Variants in NCAPD3 observed in about 807,000 individuals in gnomAD.
NCAPD3 encodes condensin-2 complex subunit D3.
Under a neutral mutation model 182.9 loss-of-function variants are expected in NCAPD3, and 105 were observed. That is an observed-to-expected ratio of 0.57 (90% CI 0.49 to 0.68). The LOEUF (loss-of-function observed/expected upper bound fraction) is 0.68, where lower values mean the gene tolerates loss of function less well. NCAPD3 is among the 30% of genes least tolerant of loss of function. The probability of loss-of-function intolerance (pLI) is 0.00; values close to 1 mark genes in which losing one functional copy is unlikely to be tolerated. For missense variants in NCAPD3, 1,944 were observed against 1,837.0 expected, an observed-to-expected ratio of 1.06 and a Z score of -1.07; for synonymous variants, 815 against 679.9, an observed-to-expected ratio of 1.20 and a Z score of -3.09.
At position 134,153,129 on chromosome 11, in the gene NCAPD3, G is replaced by A. The variant is rs775952499; in HGVS notation, c.4388+11C>T. 7 of 1,613,842 alleles carry A rather than the reference G, an allele frequency of 4.3e-6. No homozygotes were observed. In the East Asian group the frequency reaches 1.1e-4, roughly 26 times the overall value. On this transcript the variant is annotated intron_variant, in intron 34 of 34. Transcript: ENST00000534548. ...AAACATCCACCTCAAAAGGAACACT[G>A]CTAAACTTACGGTTTATCAGGCAGT...
chr11:134,152,859 A>G lies in NCAPD3; in HGVS notation c.*85T>C, dbSNP rs1943293474. 2 of 1,104,186 alleles carry G rather than the reference A, an allele frequency of 1.8e-6. No individual in the cohort carries two copies. The highest frequency in any genetic ancestry group is 2.3e-5 in the Admixed American group (1 of 42,728). The allele number at this position is 1,104,186 out of a possible 1,614,324, so 68.4% of individuals were successfully genotyped here. On this transcript the variant is annotated 3_prime_UTR_variant, in exon 35 of 35. Transcript: ENST00000534548. ...AAAGCGCTGCCCAAGGACTGCGGGA[A>G]GTGATCCAGCTGCCTTCACACGGAG...
chr11:134,188,926 A>C (rs991487928), intron 16 of NCAPD3, among the ~76,000 whole-genome samples: 1 of 152,178 alleles, frequency 6.6e-6, no homozygotes, highest in African/African-American at 2.4e-5. Flanking sequence ...GAGAAGCCTC[A>C]GGAGAAACCC....
chr11:134,213,097 G>C lies in NCAPD3; in HGVS notation c.383-2643C>G, dbSNP rs527855629. Among the ~76,000 whole-genome samples, 13 of 152,316 alleles carry C rather than the reference G, an allele frequency of 8.5e-5. No individual in the cohort carries two copies. In the East Asian group the frequency reaches 2.5e-3, roughly 30 times the overall value. Reference sequence around the variant, plus strand: ...AATCCCAGCCCTTTGGGAGGCTGAAGCAGGAGGATCACTTGAGGCCAAGAG... The same window carrying C: ...AATCCCAGCCCTTTGGGAGGCTGAACCAGGAGGATCACTTGAGGCCAAGAG... On this transcript the variant is annotated intron_variant, in intron 3 of 34. Transcript: ENST00000534548.
At chr11:134,185,631 T>G (rs1944388818) in intron 16 of NCAPD3, 105 bp from the exon 17 acceptor site, 1 of 884,996 alleles carries the variant, frequency 1.1e-6, no homozygotes, top group Non-Finnish European at 1.7e-6. Flanking sequence ...GCTCCAGGAC[T>G]CAAGTGGCAC....
chr11:134,205,853 G>A (rs73603045), intron 8 of NCAPD3, among the ~76,000 whole-genome samples: 2,239 of 152,328 alleles, frequency 0.015, 54 homozygotes, highest in African/African-American at 0.049. Flanking sequence ...TCCTTAGTGA[G>A]AGACATTTGC....
At chr11:134,162,711 AAT>A (rs1404103457) in intron 27 of NCAPD3, among the ~76,000 whole-genome samples, 1 of 152,200 alleles carries the variant, frequency 6.6e-6, no homozygotes, top group Non-Finnish European at 1.5e-5. Context: ...TATGTTCAGG[AAT>A]AGTCTTAAGA....
intron 32 of NCAPD3, among the ~76,000 whole-genome samples, chr11:134,155,132 G>A (rs1397593271): frequency 2.6e-5 from 4 of 152,120 alleles, no homozygotes; most frequent in Non-Finnish European, 1.5e-5. Flanking sequence ...CAGTAACAGG[G>A]ACTTGCTAAA....
chr11:134,201,225 TGTTGGCCAG>T (rs539749794), intron 13 of NCAPD3, among the ~76,000 whole-genome samples: 1 of 152,054 alleles, frequency 6.6e-6, no homozygotes, highest in East Asian at 1.9e-4. Flanking sequence ...GGTTTCACCA[TGTTGGCCAG>T]GATGGTCTCG....
chr11:134,166,621 ACACT>A (rs1364683995), intron 27 of NCAPD3, among the ~76,000 whole-genome samples: 1 of 40,168 alleles, frequency 2.5e-5, no homozygotes, highest in Non-Finnish European at 4.7e-5. Context: ...TTGGAGAGGC[ACACT>A]CACTAGTGAG....
intron 23 of NCAPD3, among the ~76,000 whole-genome samples, chr11:134,176,754 ATATC>A (rs1342833657): frequency 6.6e-6 from 1 of 152,230 alleles, no homozygotes; most frequent in Non-Finnish European, 1.5e-5. Flanking sequence ...GTGTATAAAA[ATATC>A]TAACGCTCTG....
chr11:134,167,382 G>A (rs1302444611), intron 27 of NCAPD3, among the ~76,000 whole-genome samples: 2 of 79,596 alleles, frequency 2.5e-5, no homozygotes, highest in Admixed American at 1.3e-4. Flanking sequence ...ACTCGTGAGA[G>A]GAGCTTAGGG....
At chr11:134,218,199 G>A (rs1315660428) in intron 2 of NCAPD3, among the ~76,000 whole-genome samples, 1 of 151,750 alleles carries the variant, frequency 6.6e-6, no homozygotes, top group Non-Finnish European at 1.5e-5. Context: ...ACACACGAGG[G>A]TGATCGATCA....
intron 16 of NCAPD3, among the ~76,000 whole-genome samples, chr11:134,186,490 G>C (rs1464307082): frequency 6.6e-6 from 1 of 152,126 alleles, no homozygotes; most frequent in Non-Finnish European, 1.5e-5. Flanking sequence ...TGAGATTATA[G>C]TTGTGAGCCA....
intron 16 of NCAPD3, among the ~76,000 whole-genome samples, chr11:134,187,686 A>T (rs1944439280): frequency 6.6e-6 from 1 of 152,198 alleles, no homozygotes; most frequent in Admixed American, 6.5e-5. Flanking sequence ...AAGAGGACAA[A>T]GAGGAAGAAA....
chr11:134,170,583 A>C (rs557450066), intron 24 of NCAPD3, among the ~76,000 whole-genome samples: 10 of 152,390 alleles, frequency 6.6e-5, no homozygotes, highest in African/African-American at 2.4e-4. Context: ...AGCCAGATAG[A>C]ATCAGCAAAT....
chr11:134,207,370 A>C (rs774097152), intron 7 of NCAPD3, among the ~76,000 whole-genome samples: 27 of 152,272 alleles, frequency 1.8e-4, no homozygotes, highest in Non-Finnish European at 3.2e-4. Flanking sequence ...AAAAGCTCCA[A>C]AGGTGAGCTG....
chr11:134,177,283 C>A lies in NCAPD3; in HGVS notation c.2957G>T (p.Cys986Phe), dbSNP rs753753554. 19 of 1,614,110 alleles carry A rather than the reference C, an allele frequency of 1.2e-5. No homozygotes were observed. The highest frequency in any genetic ancestry group is 1.6e-5 in the Non-Finnish European group (19 of 1,180,052). The change falls in exon 23 of 35, where the codon TGT becomes TTT. Residue 986 changes from cysteine (C) to phenylalanine (F), a missense_variant. Transcript: ENST00000534548. ...VDKYIPNISMCLKDSDPFIRK... is the reference protein window; with the variant it reads ...VDKYIPNISMFLKDSDPFIRK... ...GATGAATGGGTCGGAATCCTTCAGA[C>A]ACATGGAGATGTTGGGAATATACTT...
At chr11:134,156,313 C>T (rs1943417689) in intron 32 of NCAPD3, among the ~76,000 whole-genome samples, 2 of 152,146 alleles carry the variant, frequency 1.3e-5, no homozygotes, top group South Asian at 4.1e-4. Context: ...TGTGCACAGC[C>T]GGGCGCAGAG....
intron 2 of NCAPD3, among the ~76,000 whole-genome samples, chr11:134,218,103 A>G (rs1938093217): frequency 1.2e-5 from 1 of 80,836 alleles, no homozygotes; most frequent in Non-Finnish European, 2.6e-5. Flanking sequence ...GGTCTCAAAA[A>G]AAAAAAAGGG....
Sources: allele counts gnomAD v4.1 joint callset (sites outside exome capture counted in the v4.1 genomes callset), GRCh38; gene constraint gnomAD v4.1.1; transcripts MANE v1.5; gene names NCBI Gene and HGNC (gene_info 2026-07-23, HGNC 2026-07-21).